The following HGS variants were observed in gnomAD, a reference collection of about 807,000 sequenced individuals.
HGS encodes human growth factor-regulated tyrosine kinase substrate.
HGS carries 63 observed loss-of-function variants against 109.7 expected under a neutral mutation model. The ratio of observed to expected loss-of-function variants is 0.57; its 90% CI spans 0.47 to 0.71. The LOEUF (loss-of-function observed/expected upper bound fraction) is 0.71. Among genes scored for constraint, HGS ranks in the 30% least tolerant of loss-of-function variants. HGS has a pLI of 0.00. For synonymous variants in HGS, 546 were observed against 437.3 expected, an observed-to-expected ratio of 1.25 and a Z score of -3.10; for missense variants, 995 against 1,068.3, an observed-to-expected ratio of 0.93 and a Z score of 0.96.
At chr17:81,697,334 T>G in intron 18 of HGS, 3 of 149,632 alleles carry the variant, frequency 2.0e-5, no homozygotes, top group East Asian at 1.6e-4. Context: ...GCACGCCCCC[T>G]GCTGCGTGGC....
rs2037230163 is a variant in HGS at position 81,701,088 on chromosome 17, C to T, written c.2180C>T (p.Pro727Leu). ...CCAAGCCAGGATGCGTCTCTGCCACCCCAGCAGCCCTACATCGCGGGGCAG... is the reference window on the plus strand; with the variant it reads ...CCAAGCCAGGATGCGTCTCTGCCACTCCAGCAGCCCTACATCGCGGGGCAG... ...TLPSQDASLP[P>L]QQPYIAGQQP... Residue 727 changes from proline to leucine, a missense_variant, in exon 21 of 22, where the codon CCC becomes CTC. By Grantham distance (98) the Pro-to-Leu change is moderately conservative. Around this residue, in one of 6 missense-constraint regions of HGS, gnomAD observed 326 missense variants for 309.7 expected, o/e 1.05. Coordinates refer to ENST00000329138, the MANE Select transcript of HGS (RefSeq NM_004712.5). 1.2e-6 allele frequency: 2 copies of T among 1,614,090 alleles called. No homozygotes were observed. The highest frequency in any genetic ancestry group is 1.7e-6 in the Non-Finnish European group (2 of 1,180,040).
chr17:81,694,064 G>C, intron 11 of HGS, 99 bp downstream of exon 11: 1 of 1,047,056 alleles, frequency 9.6e-7, no homozygotes, highest in East Asian at 2.6e-5. Context: ...GGTGGGGGAT[G>C]CGGGTCCCCG....
At chr17:81,688,283 C>A (rs78397444) in intron 4 of HGS, among the ~76,000 whole-genome samples, 1 of 151,500 alleles carries the variant, frequency 6.6e-6, no homozygotes, top group Non-Finnish European at 1.5e-5. Context: ...GGCTGCCCCC[C>A]GCGTCTCCCC....
intron 4 of HGS, 76 bp downstream of exon 4, chr17:81,687,171 TGACAG>T: frequency 1.0e-6 from 1 of 959,480 alleles, no homozygotes; most frequent in Non-Finnish European, 1.7e-6. Flanking sequence ...TGGGCACTGA[TGACAG>T]AACAGCACCA....
At chr17:81,689,703 C>G (rs1024806485) in intron 5 of HGS, among the ~76,000 whole-genome samples, 1 of 152,172 alleles carries the variant, frequency 6.6e-6, no homozygotes, top group African/African-American at 2.4e-5. Context: ...ACGGGAAGAA[C>G]GCAGGGGGCG....
rs774619593 is a variant in HGS, at chr17:81,693,572, G to GCAGTCC, written c.736_741dup (p.Ser246_Gln247dup). On this transcript the variant is annotated inframe_insertion, in exon 9 of 22. Transcript: ENST00000329138. ...AGTACCTGACCAGCCCCCTGTCTCA[G>GCAGTCC]CAGTCCCAGGTACTCAGCCCCCTCC... 7 of 1,609,634 alleles carry GCAGTCC rather than the reference G, an allele frequency of 4.3e-6. No individual in the cohort carries two copies. Among genetic ancestry groups the GCAGTCC allele is most frequent in the Non-Finnish European group, 5.9e-6 (7 of 1,176,922 alleles).
intron 5 of HGS, among the ~76,000 whole-genome samples, 174 bp downstream of exon 5, chr17:81,689,001 G>A (rs979323309): frequency 2.0e-5 from 3 of 152,244 alleles, no homozygotes; most frequent in African/African-American, 4.8e-5. Context: ...GGTTCAGACC[G>A]GCTCCTGCCT....
chr17:81,690,055 C>A (rs112349848), intron 5 of HGS, 127 bp from the exon 6 acceptor site: 1 of 949,246 alleles, frequency 1.1e-6, no homozygotes, highest in Non-Finnish European at 1.6e-6. Flanking sequence ...TGTCTCGGTG[C>A]CCCCAGACAC....
chr17:81,686,068 C>T (rs2036974803), intron 2 of HGS, among the ~76,000 whole-genome samples: 2 of 152,192 alleles, frequency 1.3e-5, no homozygotes, highest in Admixed American at 1.3e-4. Flanking sequence ...GTAGCTGGGA[C>T]TACAGGCATT....
chr17:81,701,072 G>T lies in HGS; in HGVS notation c.2164G>T (p.Asp722Tyr), dbSNP rs762698008. 5 of 1,614,070 alleles carry T rather than the reference G, an allele frequency of 3.1e-6. No homozygotes were observed. The highest frequency in any genetic ancestry group is 4.2e-6 in the Non-Finnish European group (5 of 1,180,030). ...TCTCATGACCACCCTCCCAAGCCAG[G>T]ATGCGTCTCTGCCACCCCAGCAGCC... is the stretch of plus-strand genomic sequence containing the variant. Reference protein sequence around the residue: ...QNLMTTLPSQDASLPPQQPYI... With the variant: ...QNLMTTLPSQYASLPPQQPYI... The change falls in exon 21 of 22, where the codon GAT becomes TAT. Residue 722 changes from aspartate to tyrosine, a missense_variant. By Grantham distance (160) the Asp-to-Tyr change is radical (BLOSUM62 -3). Coordinates refer to ENST00000329138, the MANE Select transcript of HGS (RefSeq NM_004712.5).
intron 14 of HGS, 64 bp from the exon 15 acceptor site, chr17:81,695,722 G>C: frequency 6.7e-7 from 1 of 1,495,818 alleles, no homozygotes; most frequent in Non-Finnish European, 9.3e-7. Context: ...CTCCATCCCA[G>C]GCCCCACCAG....
At chr17:81,694,002 A>G in intron 11 of HGS, 37 bp downstream of exon 11, 1 of 1,566,808 alleles carries the variant, frequency 6.4e-7, no homozygotes, top group Non-Finnish European at 8.7e-7. Flanking sequence ...CTCTCCTGGA[A>G]GGCAGTAGGG....
chr17:81,691,634 C>T lies in HGS; in HGVS notation c.662+63C>T, dbSNP rs1042947075. 1.9e-5 allele frequency: 31 copies of T among 1,603,700 alleles called. No homozygotes were observed. Among genetic ancestry groups the T allele is most frequent in the South Asian group, 1.7e-4 (15 of 90,600 alleles). On this transcript the variant is annotated intron_variant, in intron 8 of 21. Transcript: ENST00000329138. This position sits in a 1 kb window ranked among gnomAD's most constrained non-coding sequence, Gnocchi z 5.3. ...AGGCTCTCCAGGCTGGGTTTTCTGT[C>T]CCTCTTGGCCATGGTGCCTGAGGCC...
At position 81,701,109 on chromosome 17, in the gene HGS, G is replaced by C; in HGVS notation, c.2201G>C (p.Gly734Ala). ...CCACCCCAGCAGCCCTACATCGCGG[G>C]GCAGCAGCCCATGTACCAGCAGGTG... ...SLPPQQPYIAGQQPMYQQMAP... is the reference protein window; with the variant it reads ...SLPPQQPYIAAQQPMYQQMAP... Residue 734 changes from glycine (G) to alanine (A), a missense_variant, in exon 21 of 22, where the codon GGG (glycine) becomes GCG (alanine). Gly to Ala is a moderately conservative substitution (Grantham distance 60). Coordinates refer to ENST00000329138, the MANE Select transcript of HGS (RefSeq NM_004712.5). The C allele has an allele frequency of 6.2e-7, 1 of 1,613,900 alleles. No individual in the cohort carries two copies. Among genetic ancestry groups the C allele is most frequent in the Non-Finnish European group, 8.5e-7 (1 of 1,179,998 alleles).
chr17:81,686,683 C>T (rs1182592813), intron 3 of HGS, among the ~76,000 whole-genome samples: 2 of 152,260 alleles, frequency 1.3e-5, no homozygotes. Flanking sequence ...CTTGGCGTCA[C>T]GGAGCGGTGC....
Position 81,690,727 on chromosome 17 carries a change from G to T in HGS, c.522G>T (p.Gly174=), listed in dbSNP as rs559851432. The part of the protein sequence containing the change: ...EECHRCRVQF[G]VMTRKHHCRA... Reference sequence around the variant, plus strand: ...GCCACCGCTGCAGGGTGCAGTTCGGGGTGATGACCCGTAAGGTGAGTTCCC... The same window carrying T: ...GCCACCGCTGCAGGGTGCAGTTCGGTGTGATGACCCGTAAGGTGAGTTCCC... Residue 174 remains glycine, a synonymous_variant, in exon 7 of 22, where the codon GGG becomes GGT. Transcript: ENST00000329138. 2.5e-6 allele frequency: 4 copies of T among 1,613,172 alleles called. No individual in the cohort carries two copies. The South Asian group carries it at 4.4e-5, about 18-fold the overall frequency.
Position 81,691,710 on chromosome 17 carries a change from AC to A in HGS, c.662+142del, listed in dbSNP as rs2037065703. ...CACAGCAGCTGGAAGGTCAAGGGAA[AC>A]CCAGGGTGGCCGCATGCCCTCGGAC... is the stretch of plus-strand genomic sequence containing the variant. On this transcript the variant is annotated intron_variant, in intron 8 of 21. Coordinates refer to ENST00000329138, the MANE Select transcript of HGS (RefSeq NM_004712.5). The surrounding 1 kb of genome is among the most constrained non-coding windows in gnomAD (Gnocchi z 5.3). 1 of 1,167,846 alleles carries A rather than the reference AC, an allele frequency of 8.6e-7. No individual in the cohort carries two copies. The highest frequency in any genetic ancestry group is 1.5e-5 in the African/African-American group (1 of 66,156). The allele number at this position is 1,167,846 out of a possible 1,614,324, so 72.3% of individuals were successfully genotyped here. A position where few individuals can be genotyped will look rare whatever the true frequency, so the allele number is the denominator to read the frequency against.
chr17:81,694,710 G>C (rs748460423), intron 11 of HGS, 105 bp from the exon 12 acceptor site: 5 of 1,378,380 alleles, frequency 3.6e-6, no homozygotes, highest in Non-Finnish European at 5.2e-6. Context: ...GAGGGCCCAG[G>C]CTGCGGCTCT....
intron 4 of HGS, among the ~76,000 whole-genome samples, chr17:81,687,942 G>A (rs925675101): frequency 2.0e-5 from 3 of 152,320 alleles, no homozygotes; most frequent in South Asian, 2.1e-4. Context: ...GGAAGGTGCC[G>A]GAGTCTGGCC....
Sources: allele counts gnomAD v4.1 joint callset (sites outside exome capture counted in the v4.1 genomes callset), GRCh38; gene constraint gnomAD v4.1.1; regional missense constraint gnomAD v4.1.1; non-coding constraint Gnocchi (gnomAD v3.1); transcripts MANE v1.5; gene names NCBI Gene and HGNC (gene_info 2026-07-23, HGNC 2026-07-21).